PLB1: variants seen among roughly 807,000 people sequenced by gnomAD.
PLB1 encodes the protein phospholipase B1.
In PLB1, 242 loss-of-function variants were observed where a neutral mutation model predicts 227.4. The ratio of observed to expected loss-of-function variants is 1.06; its 90% CI spans 0.96 to 1.18. The LOEUF (loss-of-function observed/expected upper bound fraction) is 1.18. Among genes scored for constraint, PLB1 ranks in the 50% most tolerant of loss-of-function variants. PLB1 has a pLI of 0.00. For synonymous variants in PLB1, 757 were observed against 682.2 expected (o/e 1.11, Z -1.71); for missense variants, 1,858 against 1,816.3 (o/e 1.02, Z -0.42).
At chr2:28,626,019 G>A (rs371586326) in intron 50 of PLB1, among the ~76,000 whole-genome samples, 5 of 148,100 alleles carry the variant, frequency 3.4e-5, no homozygotes, top group South Asian at 2.1e-4. Flanking sequence ...TTTTTTAGAC[G>A]GAGTCTCGCT....
chr2:28,503,462 T>C (rs909741425), intron 1 of PLB1, among the ~76,000 whole-genome samples: 1 of 152,212 alleles, frequency 6.6e-6, no homozygotes. Context: ...TTTATTGATC[T>C]TCTATGTCAC....
chr2:28,594,063 T>G, intron 33 of PLB1: 1 of 671,362 alleles, frequency 1.5e-6, no homozygotes, highest in Non-Finnish European at 2.9e-6. Flanking sequence ...AATCTTCACC[T>G]CCCCGCTTGC....
At chr2:28,543,026 C>G (rs564116454) in intron 13 of PLB1, among the ~76,000 whole-genome samples, 186 bp from the exon 14 acceptor site, 1 of 152,148 alleles carries the variant, frequency 6.6e-6, no homozygotes, top group Non-Finnish European at 1.5e-5. Context: ...CAGGCCCTGA[C>G]CTCAGGGCCC....
intron 20 of PLB1, among the ~76,000 whole-genome samples, chr2:28,571,994 TG>T (rs1182092019): frequency 1.3e-5 from 2 of 151,674 alleles, no homozygotes; most frequent in African/African-American, 4.9e-5. Flanking sequence ...GCCCAAAGAG[TG>T]GAAGAAAACA....
chr2:28,591,310 A>G (rs1469437344), intron 30 of PLB1, 139 bp downstream of exon 30: 8 of 1,029,458 alleles, frequency 7.8e-6, no homozygotes, highest in Admixed American at 5.4e-5. Flanking sequence ...TGACCTTCAG[A>G]TGGGGTAGTG....
intron 43 of PLB1, among the ~76,000 whole-genome samples, chr2:28,608,421 G>T (rs905930321): frequency 4.0e-5 from 6 of 150,948 alleles, no homozygotes; most frequent in African/African-American, 1.2e-4. Context: ...AAGACGCAGT[G>T]GGGGGCGGGA....
chr2:28,529,962 T>G (rs937039521), intron 8 of PLB1, among the ~76,000 whole-genome samples, 183 bp downstream of exon 8: 5 of 152,210 alleles, frequency 3.3e-5, no homozygotes, highest in African/African-American at 9.7e-5. Flanking sequence ...CCAATTCTTT[T>G]TTGTTGTTGT....
intron 1 of PLB1, among the ~76,000 whole-genome samples, chr2:28,501,424 T>A (rs1306520685): frequency 6.6e-6 from 1 of 152,242 alleles, no homozygotes; most frequent in Non-Finnish European, 1.5e-5. Context: ...CACTTGAATT[T>A]TTTTTTGTTC....
At chr2:28,590,436 A>G (rs1337959807) in intron 29 of PLB1, among the ~76,000 whole-genome samples, 4 of 152,150 alleles carry the variant, frequency 2.6e-5, no homozygotes, top group African/African-American at 9.7e-5. Flanking sequence ...CCTTGTCTTC[A>G]TATAGCCCCT....
chr2:28,527,802 A>G (rs1179447595), intron 6 of PLB1, among the ~76,000 whole-genome samples: 1 of 152,256 alleles, frequency 6.6e-6, no homozygotes, highest in Admixed American at 6.5e-5. Flanking sequence ...ATCCAACGTC[A>G]TGTTTGATCA....
chr2:28,516,871 T>A lies in PLB1; in HGVS notation c.117+2T>A, dbSNP rs749438959. ...TTGGAAGGGCAGCTATGGCCAGAGG[T>A]AAGGGCTTTGGCTGGTGGGAGGTGC... On this transcript the variant is annotated splice_donor_variant, in intron 2 of 57. Coordinates refer to ENST00000327757, the MANE Select transcript of PLB1 (RefSeq NM_153021.5). LOFTEE classifies it high-confidence loss of function. 6.2e-7 allele frequency: 1 copy of A among 1,613,406 alleles called. No homozygotes were observed.
chr2:28,600,679 C>T (rs1480282459), intron 35 of PLB1, 130 bp from the exon 36 acceptor site: 2 of 803,870 alleles, frequency 2.5e-6, no homozygotes, highest in Admixed American at 4.8e-5. Flanking sequence ...CTCCTGGTTT[C>T]TGAGCCTCGG....
Position 28,632,076 on chromosome 2 carries a change from A to C in PLB1, c.3938A>C (p.Gln1313Pro). 6.2e-7 allele frequency: 1 copy of C among 1,614,132 alleles called. No individual in the cohort carries two copies. The highest frequency in any genetic ancestry group is 8.5e-7 in the Non-Finnish European group (1 of 1,180,020). The change falls in exon 55 of 58, where the codon CAG (glutamine) becomes CCG (proline). Residue 1313 changes from glutamine to proline, a missense_variant. Gln to Pro is a moderately conservative substitution (Grantham distance 76, BLOSUM62 -1). Coordinates refer to ENST00000327757, the MANE Select transcript of PLB1 (RefSeq NM_153021.5). ...SSFSYWHQYT[Q>P]REDFAVVVQP... ...TTCTCCTACTGGCACCAATACACAC[A>C]GCGTGAGGACTTTGCGGTTGTGGTG... is the stretch of plus-strand genomic sequence containing the variant.
intron 25 of PLB1, among the ~76,000 whole-genome samples, chr2:28,582,763 C>T (rs1183852068): frequency 1.3e-5 from 2 of 152,162 alleles, no homozygotes; most frequent in Non-Finnish European, 2.9e-5. Flanking sequence ...CACAAGGCAC[C>T]CTCCAGGCCT....
At chr2:28,601,469 CCACACACACACACACACACA>C in intron 37 of PLB1, 137 bp downstream of exon 37, 15 of 599,492 alleles carry the variant, frequency 2.5e-5, no homozygotes, top group Non-Finnish European at 4.5e-5. Flanking sequence ...TATACACATA[CCACACACACACACACACACA>C]CACACACACA....
Position 28,529,729 on chromosome 2 carries a change from G to C in PLB1, c.418G>C (p.Asp140His). Reference sequence around the variant, plus strand: ...CTCTGTTTCCCTCCCTCTGCACAGAGACTTGTGGATTCAGGCTCAAGAACT... The same window carrying C: ...CTCTGTTTCCCTCCCTCTGCACAGACACTTGTGGATTCAGGCTCAAGAACT... ...KRVIPHDGAE[D>H]LWIQAQELVR... is the part of the protein sequence containing the mutation. Residue 140 changes from aspartate to histidine, a missense_variant and splice_region_variant, in exon 8 of 58, where the codon GAC (aspartate) becomes CAC (histidine). Coordinates refer to ENST00000327757, the MANE Select transcript of PLB1 (RefSeq NM_153021.5). 1 of 1,614,088 alleles carries C rather than the reference G, an allele frequency of 6.2e-7. No individual in the cohort carries two copies. The highest frequency in any genetic ancestry group is 8.5e-7 in the Non-Finnish European group (1 of 1,179,964).
intron 9 of PLB1, among the ~76,000 whole-genome samples, chr2:28,536,875 G>A (rs1345944433): frequency 3.9e-5 from 6 of 152,304 alleles, no homozygotes; most frequent in East Asian, 3.9e-4. Flanking sequence ...TCCCTCTGCA[G>A]CTGCAAGTAA....
chr2:28,562,549 A>AAAAAAAAAAAAAAAAAAG (rs1676227854), intron 17 of PLB1, among the ~76,000 whole-genome samples: 1 of 150,206 alleles, frequency 6.7e-6, no homozygotes, highest in Non-Finnish European at 1.5e-5. Flanking sequence ...TCAAAAAAAA[A>AAAAAAAAAAAAAAAAAAG]AAAAAAAAAA....
intron 36 of PLB1, 33 bp from the exon 37 acceptor site, chr2:28,601,219 G>A (rs1328098611): frequency 1.3e-6 from 2 of 1,558,614 alleles, no homozygotes; most frequent in African/African-American, 2.7e-5. Flanking sequence ...TTCCTTGTTG[G>A]AAATTATCAA....
Sources: allele counts gnomAD v4.1 joint callset (sites outside exome capture counted in the v4.1 genomes callset), GRCh38; gene constraint gnomAD v4.1.1; transcripts MANE v1.5; gene names NCBI Gene and HGNC (gene_info 2026-07-23, HGNC 2026-07-21).